The following MAPKBP1 variants were observed in gnomAD, a reference collection of about 807,000 sequenced individuals.
The protein encoded by MAPKBP1 is mitogen-activated protein kinase binding protein 1.
MAPKBP1 carries 71 observed loss-of-function variants against 170.5 expected under a neutral mutation model. The ratio of observed to expected loss-of-function variants is 0.42; its 90% CI spans 0.34 to 0.51. The LOEUF is 0.51. Among genes scored for constraint, MAPKBP1 ranks in the 20% least tolerant of loss-of-function variants. MAPKBP1 has a pLI of 0.06. For missense variants in MAPKBP1, 1,598 were observed against 1,933.0 expected, an observed-to-expected ratio of 0.83 and a Z score of 3.25; for synonymous variants, 719 against 757.9, an observed-to-expected ratio of 0.95 and a Z score of 0.84.
chr15:41,792,315 C>T (rs1056631417), intron 2 of MAPKBP1, among the ~76,000 whole-genome samples: 9 of 151,876 alleles, frequency 5.9e-5, no homozygotes, highest in African/African-American at 2.2e-4. Flanking sequence ...AGTGCTCTGC[C>T]TAGTTCCTAC....
chr15:41,783,819 C>T (rs2064231432), intron 2 of MAPKBP1, among the ~76,000 whole-genome samples: 1 of 152,194 alleles, frequency 6.6e-6, no homozygotes, highest in African/African-American at 2.4e-5. Context: ...ACCATCCTGG[C>T]TAACATGGTG....
chr15:41,797,138 T>C (rs1046350886), intron 2 of MAPKBP1, among the ~76,000 whole-genome samples: 8 of 152,094 alleles, frequency 5.3e-5, no homozygotes, highest in African/African-American at 1.9e-4. Context: ...GAGAATTAAT[T>C]CTCTTTGGAA....
chr15:41,817,461 G>T lies in MAPKBP1; in HGVS notation c.1782+3G>T. On this transcript the variant is annotated splice_donor_region_variant and intron_variant, in intron 15 of 30. Coordinates refer to ENST00000457542, the MANE Select transcript of MAPKBP1 (RefSeq NM_014994.3). The surrounding 1 kb of genome is among the most constrained non-coding windows in gnomAD (Gnocchi z 4.2). Reference sequence around the variant, plus strand: ...TCTACTTCCGCACTGCGCAGAAGGTGAGGGCGCTGGGCTTTCCTGAGAGGG... The same window carrying T: ...TCTACTTCCGCACTGCGCAGAAGGTTAGGGCGCTGGGCTTTCCTGAGAGGG... 1 of 1,613,856 alleles carries T rather than the reference G, an allele frequency of 6.2e-7. No homozygotes were observed. Among genetic ancestry groups the T allele is most frequent in the Admixed American group, 1.7e-5 (1 of 60,028 alleles).
At position 41,823,954 on chromosome 15, in the gene MAPKBP1, T is replaced by A; in HGVS notation, c.4106T>A (p.Val1369Asp). 6.2e-7 allele frequency: 1 copy of A among 1,614,002 alleles called. No individual in the cohort carries two copies. The highest frequency in any genetic ancestry group is 8.5e-7 in the Non-Finnish European group (1 of 1,179,982). Reference sequence around the variant, plus strand: ...AGCCCCTGTGCCCAGCAACTGCCAGTCAGCAGCCTCTTCCAAGGCCCTGAA... The same window carrying A: ...AGCCCCTGTGCCCAGCAACTGCCAGACAGCAGCCTCTTCCAAGGCCCTGAA... The part of the protein sequence containing the change: ...PSSPCAQQLP[V>D]SSLFQGPENL... The change falls in exon 29 of 31, where the codon GTC (valine) becomes GAC (aspartate). Residue 1369 changes from valine to aspartate, a missense_variant. Coordinates refer to ENST00000457542, the MANE Select transcript of MAPKBP1 (RefSeq NM_014994.3).
intron 2 of MAPKBP1, 38 bp from the exon 3 acceptor site, chr15:41,799,783 ACT>A (rs1567141902): frequency 1.3e-6 from 2 of 1,553,994 alleles, no homozygotes; most frequent in Non-Finnish European, 1.8e-6. Context: ...TCCCAAACAC[ACT>A]CTGTCTGTAA....
rs751994977 is a variant in MAPKBP1 at position 41,818,593 on chromosome 15, G to A, written c.2156+11G>A. 1 of 1,609,326 alleles carries A rather than the reference G, an allele frequency of 6.2e-7. No homozygotes were observed. On this transcript the variant is annotated intron_variant, in intron 19 of 30. Coordinates refer to ENST00000457542, the MANE Select transcript of MAPKBP1 (RefSeq NM_014994.3). This position sits in a 1 kb window ranked among gnomAD's most constrained non-coding sequence, Gnocchi z 5.2. ...TGTGTCTGGGGACAGGTGAGCAGAA[G>A]CCAGCTTCCCTGAGAGGCAGATTCT...
chr15:41,786,107 GA>G (rs1269091158), intron 2 of MAPKBP1, among the ~76,000 whole-genome samples: 1 of 151,934 alleles, frequency 6.6e-6, no homozygotes, highest in Admixed American at 6.6e-5. Context: ...TTGAATGGGG[GA>G]AAAAAGCAAA....
chr15:41,816,897 C>G lies in MAPKBP1; in HGVS notation c.1586-13C>G. On this transcript the variant is annotated splice_polypyrimidine_tract_variant and intron_variant, in intron 13 of 30. Transcript: ENST00000457542. ...AGGGCACTCATGGGCTGATGGAGTTCTTTCATCCCCAGGTCTGAAACTGCT... is the reference window on the plus strand; with the variant it reads ...AGGGCACTCATGGGCTGATGGAGTTGTTTCATCCCCAGGTCTGAAACTGCT... 2.5e-6 allele frequency: 4 copies of G among 1,595,912 alleles called. No homozygotes were observed. Among genetic ancestry groups the G allele is most frequent in the Non-Finnish European group, 3.4e-6 (4 of 1,169,532 alleles).
chr15:41,783,781 G>C (rs998077297), intron 2 of MAPKBP1, among the ~76,000 whole-genome samples: 1 of 152,142 alleles, frequency 6.6e-6, no homozygotes, highest in Non-Finnish European at 1.5e-5. Context: ...AGGCCGAGGC[G>C]GGTGGATCAC....
intron 3 of MAPKBP1, among the ~76,000 whole-genome samples, chr15:41,810,220 T>C (rs1468377536): frequency 1.3e-5 from 2 of 152,142 alleles, no homozygotes; most frequent in African/African-American, 4.8e-5. Flanking sequence ...TCTTCTTCCC[T>C]CCTACACCCC....
At chr15:41,799,092 A>G (rs1003976971) in intron 2 of MAPKBP1, among the ~76,000 whole-genome samples, 4 of 152,098 alleles carry the variant, frequency 2.6e-5, no homozygotes, top group African/African-American at 9.7e-5. Flanking sequence ...TGGGGTAACA[A>G]TACTAATGAT....
intron 2 of MAPKBP1, among the ~76,000 whole-genome samples, chr15:41,794,349 G>A (rs1463233586): frequency 6.6e-6 from 1 of 152,232 alleles, no homozygotes; most frequent in Non-Finnish European, 1.5e-5. Context: ...GGGGATGTGA[G>A]TTATAGAAGG....
chr15:41,821,180 C>T, intron 23 of MAPKBP1, 112 bp downstream of exon 23: 4 of 1,021,662 alleles, frequency 3.9e-6, no homozygotes, highest in Non-Finnish European at 6.0e-6. Context: ...GCCCCTGTGG[C>T]ACATGGGTAA....
chr15:41,775,245 C>G lies in MAPKBP1; in HGVS notation c.-31C>G. 6.4e-7 allele frequency: 1 copy of G among 1,570,988 alleles called. No individual in the cohort carries two copies. Among genetic ancestry groups the G allele is most frequent in the Non-Finnish European group, 8.8e-7 (1 of 1,141,210 alleles). On this transcript the variant is annotated 5_prime_UTR_variant, in exon 2 of 31. Coordinates refer to ENST00000457542, the MANE Select transcript of MAPKBP1 (RefSeq NM_014994.3). ...GTTGAGACAAGACCCAGGACTGGGCCGGGGACTGTCCCAAAGGGTTTCTCG... is the reference window on the plus strand; with the variant it reads ...GTTGAGACAAGACCCAGGACTGGGCGGGGGACTGTCCCAAAGGGTTTCTCG...
At chr15:41,786,777 A>AAAAAAAATATATATAT in intron 2 of MAPKBP1, among the ~76,000 whole-genome samples, 1 of 32,452 alleles carries the variant, frequency 3.1e-5, no homozygotes, top group Non-Finnish European at 5.6e-5. Context: ...AAAAAAAAAA[A>AAAAAAAATATATATAT]ATATATATAT....
intron 2 of MAPKBP1, among the ~76,000 whole-genome samples, chr15:41,777,865 G>C (rs1369485230): frequency 6.6e-6 from 1 of 152,178 alleles, no homozygotes; most frequent in Non-Finnish European, 1.5e-5. Context: ...GCCCCTTTTG[G>C]GGGGCAAAGA....
chr15:41,779,670 A>G (rs2152066741), intron 2 of MAPKBP1, among the ~76,000 whole-genome samples: 1 of 152,330 alleles, frequency 6.6e-6, no homozygotes, highest in South Asian at 2.1e-4. Flanking sequence ...AGCTGGGACT[A>G]GTGGTGCTTG....
chr15:41,809,160 A>C (rs1236777829), intron 3 of MAPKBP1, among the ~76,000 whole-genome samples: 1 of 151,658 alleles, frequency 6.6e-6, no homozygotes, highest in Admixed American at 6.6e-5. Flanking sequence ...AGGCAGGAGG[A>C]TTACTTGAGC....
chr15:41,796,638 A>G (rs1266576875), intron 2 of MAPKBP1, among the ~76,000 whole-genome samples: 2 of 152,184 alleles, frequency 1.3e-5, no homozygotes, highest in South Asian at 4.1e-4. Flanking sequence ...AGAAAGCCAG[A>G]AAAAGCCAAA....
Sources: allele counts gnomAD v4.1 joint callset (sites outside exome capture counted in the v4.1 genomes callset), GRCh38; gene constraint gnomAD v4.1.1; non-coding constraint Gnocchi (gnomAD v3.1); transcripts MANE v1.5; gene names NCBI Gene and HGNC (gene_info 2026-07-23, HGNC 2026-07-21).